Variants in MAP4K4 observed in about 807,000 individuals in gnomAD.
The protein encoded by MAP4K4 is HPK/GCK-like kinase HGK.
A neutral mutation model predicts 189.6 loss-of-function variants in MAP4K4; 38 were observed. The ratio of observed to expected loss-of-function variants is 0.20; its 90% CI spans 0.15 to 0.26. The LOEUF is 0.26. Ranked by LOEUF, MAP4K4 falls within the 10% of genes least tolerant of loss-of-function variation. The probability of loss-of-function intolerance (pLI) is 1.00; values close to 1 mark genes in which losing one functional copy is unlikely to be tolerated. For missense variants in MAP4K4, 1,054 were observed against 1,726.9 expected (o/e 0.61, Z 6.91); for synonymous variants, 610 against 624.3 (o/e 0.98, Z 0.34).
At chr2:101,870,244 T>C in intron 22 of MAP4K4, 51 bp from the exon 23 acceptor site, 2 of 1,592,268 alleles carry the variant, frequency 1.3e-6, no homozygotes, top group Middle Eastern at 3.3e-4. Context: ...AAACAGGATC[T>C]CCTTGACTCC....
At chr2:101,855,901 A>C in intron 12 of MAP4K4, 76 bp from the exon 13 acceptor site, 1 of 1,405,084 alleles carries the variant, frequency 7.1e-7, no homozygotes, top group Non-Finnish European at 9.6e-7. Flanking sequence ...CCTGGCACTG[A>C]CTGATCAGCA....
chr2:101,776,572 A>AC lies in MAP4K4; in HGVS notation c.124-14141dup, dbSNP rs571647833. 4.6e-4 allele frequency among the ~76,000 whole-genome samples: 11 copies of AC among 23,948 alleles called. 1 individual carries two copies. Among genetic ancestry groups the AC allele is most frequent in the Admixed American group, 1.0e-3 (2 of 1,924 alleles). The allele number at this position is 23,948 out of a possible 152,430, so 15.7% of individuals were successfully genotyped here. A position where few individuals can be genotyped will look rare whatever the true frequency, so the allele number is the denominator to read the frequency against. On this transcript the variant is annotated intron_variant, in intron 2 of 32. Coordinates refer to ENST00000324219, the Ensembl canonical transcript of MAP4K4. Reference sequence around the variant, plus strand: ...TTAAAAAGACAAAAAATGCACCCCCACCCCCCCACCCCCCCAAAAAAAAAC... The same window carrying AC: ...TTAAAAAGACAAAAAATGCACCCCCACCCCCCCCACCCCCCCAAAAAAAAAC...
chr2:101,796,943 A>G (rs907069230), intron 3 of MAP4K4, among the ~76,000 whole-genome samples: 2 of 152,240 alleles, frequency 1.3e-5, no homozygotes, highest in African/African-American at 4.8e-5. Flanking sequence ...CAAGAGCCAT[A>G]CAAGAAGCTA....
chr2:101,747,503 G>T (rs1189439611), intron 2 of MAP4K4, among the ~76,000 whole-genome samples: 1 of 152,104 alleles, frequency 6.6e-6, no homozygotes, highest in Non-Finnish European at 1.5e-5. Flanking sequence ...CCCATAGCAG[G>T]GGTAGGAATT....
intron 2 of MAP4K4, among the ~76,000 whole-genome samples, chr2:101,703,642 G>A (rs1012558147): frequency 1.1e-4 from 17 of 149,716 alleles, no homozygotes; most frequent in South Asian, 8.5e-4. Flanking sequence ...AAAAAAAGGC[G>A]GGGGTGGGGT....
intron 2 of MAP4K4, among the ~76,000 whole-genome samples, chr2:101,767,291 A>G (rs1462789429): frequency 1.3e-5 from 2 of 152,220 alleles, no homozygotes; most frequent in African/African-American, 4.8e-5. Flanking sequence ...ACCGAGAGCC[A>G]CACATACTTG....
At chr2:101,713,294 A>T (rs2046617573) in intron 2 of MAP4K4, among the ~76,000 whole-genome samples, 1 of 152,062 alleles carries the variant, frequency 6.6e-6, no homozygotes, top group Non-Finnish European at 1.5e-5. Flanking sequence ...GTGATCAATT[A>T]AAAAATTTTT....
chr2:101,732,098 G>A (rs10167310), intron 2 of MAP4K4, among the ~76,000 whole-genome samples: 4,724 of 152,092 alleles, frequency 0.031, 256 homozygotes, highest in African/African-American at 0.11. Flanking sequence ...GAGTAGGGAC[G>A]GATTTTAATA....
chr2:101,822,834 A>C (rs1441972418), intron 3 of MAP4K4, among the ~76,000 whole-genome samples: 1 of 152,220 alleles, frequency 6.6e-6, no homozygotes, highest in African/African-American at 2.4e-5. Flanking sequence ...GGGACTAGTC[A>C]TCTTTTCCTT....
intron 2 of MAP4K4, among the ~76,000 whole-genome samples, chr2:101,790,271 A>AT (rs201913081): frequency 1.7e-4 from 25 of 150,962 alleles, no homozygotes; most frequent in Admixed American, 1.1e-3. Flanking sequence ...TTTGGGGATC[A>AT]TTTTTTTTTC....
rs192231931 is a variant in MAP4K4, at chr2:101,767,542, A to T, written c.124-23178A>T. Among the ~76,000 whole-genome samples, 18 of 152,184 alleles carry T rather than the reference A, an allele frequency of 1.2e-4. No homozygotes were observed. The East Asian group carries it at 3.5e-3, about 29-fold the overall frequency. On this transcript the variant is annotated intron_variant, in intron 2 of 32. Coordinates refer to ENST00000324219, the Ensembl canonical transcript of MAP4K4. ...TTGGCTTTTGTTTGCACTGTGATCT[A>T]TTTATCTCCAGAGTGGCCTTGCCTT...
chr2:101,840,135 C>A, intron 10 of MAP4K4, 141 bp downstream of exon 10: 1 of 766,608 alleles, frequency 1.3e-6, no homozygotes, highest in Non-Finnish European at 1.9e-6. Context: ...CGGTTCAGTG[C>A]TTAGGCCTGG....
intron 3 of MAP4K4, among the ~76,000 whole-genome samples, chr2:101,819,153 A>C (rs1003311586): frequency 4.6e-5 from 7 of 152,056 alleles, no homozygotes; most frequent in Admixed American, 4.6e-4. Context: ...GCTGGCCCCT[A>C]GTCTGTTTTC....
chr2:101,873,546 A>AT (rs1403242209), intron 24 of MAP4K4, 101 bp from the exon 25 acceptor site: 8 of 674,872 alleles, frequency 1.2e-5, no homozygotes, highest in African/African-American at 1.8e-5. Flanking sequence ...AGAGCAAAGT[A>AT]TTGGGAAATA....
At chr2:101,820,044 A>G (rs1253041099) in intron 3 of MAP4K4, among the ~76,000 whole-genome samples, 1 of 152,238 alleles carries the variant, frequency 6.6e-6, no homozygotes, top group Non-Finnish European at 1.5e-5. Flanking sequence ...TTTTTAACTC[A>G]GTGAACTGTG....
rs748325116 is a variant in MAP4K4 at position 101,698,158 on chromosome 2, G to T, written c.57+21G>T. ...TGCGGGTGAGTGGGCCCGCGAGCGG[G>T]CGCGCGGGGAGCGGGCAGCCGGCAG... On this transcript the variant is annotated intron_variant, in intron 1 of 32. Coordinates refer to ENST00000324219, the Ensembl canonical transcript of MAP4K4. 7 of 1,166,032 alleles carry T rather than the reference G, an allele frequency of 6.0e-6. No individual in the cohort carries two copies. The South Asian group carries it at 9.8e-5, about 16-fold the overall frequency. The allele number at this position is 1,166,032 out of a possible 1,614,324, so 72.2% of individuals were successfully genotyped here. A position where few individuals can be genotyped will look rare whatever the true frequency, so the allele number is the denominator to read the frequency against.
chr2:101,859,804 G>T (rs1214860902), exon 15 of MAP4K4: 1 of 1,611,138 alleles, frequency 6.2e-7, no homozygotes, highest in Non-Finnish European at 8.5e-7. Context: ...AAAGGAGCAA[G>T]CCAAGCTTCC....
intron 28 of MAP4K4, among the ~76,000 whole-genome samples, chr2:101,883,817 G>A (rs577801288): frequency 9.9e-5 from 15 of 152,152 alleles, no homozygotes; most frequent in African/African-American, 2.2e-4. Flanking sequence ...CCCTCAGCTC[G>A]TGGGTTAATG....
chr2:101,868,992 A>T (rs17745899), intron 21 of MAP4K4, among the ~76,000 whole-genome samples: 37,304 of 152,008 alleles, frequency 0.25, 5,497 homozygotes, highest in Non-Finnish European at 0.31. Flanking sequence ...AATAAGCCTG[A>T]TTTAAAGAGT....
Sources: allele counts gnomAD v4.1 joint callset (sites outside exome capture counted in the v4.1 genomes callset), GRCh38; gene constraint gnomAD v4.1.1; transcripts MANE v1.5; gene names NCBI Gene and HGNC (gene_info 2026-07-23, HGNC 2026-07-21).